Variants in NDUFV2 observed in about 807,000 individuals in gnomAD.
The protein encoded by NDUFV2 is NADH:ubiquinone oxidoreductase core subunit V2, also known as NADH dehydrogenase [ubiquinone] flavoprotein 2, mitochondrial.
Under a neutral mutation model 31.6 loss-of-function variants are expected in NDUFV2, and 18 were observed. The observed-to-expected ratio is 0.57, with a 90% CI of 0.39 to 0.84. The LOEUF (loss-of-function observed/expected upper bound fraction) is 0.84, where lower values mean the gene tolerates loss of function less well. NDUFV2 is among the 40% of genes least tolerant of loss of function. NDUFV2 has a pLI of 0.00. For synonymous variants in NDUFV2, 83 were observed against 99.8 expected (o/e 0.83, Z 1.01); for missense variants, 314 against 303.6 (o/e 1.03, Z -0.26).
chr18:9,112,168 G>A (rs949131268), intron 1 of NDUFV2, among the ~76,000 whole-genome samples: 4 of 151,834 alleles, frequency 2.6e-5, no homozygotes, highest in Non-Finnish European at 4.4e-5. Context: ...ACAGGTGTGC[G>A]CCACCACACG....
intron 1 of NDUFV2, among the ~76,000 whole-genome samples, chr18:9,110,991 C>T (rs951984176): frequency 6.6e-6 from 1 of 152,188 alleles, no homozygotes; most frequent in Admixed American, 6.5e-5. Flanking sequence ...GCATCTTTCT[C>T]TCTTAACAGG....
intron 4 of NDUFV2, 22 bp downstream of exon 4, chr18:9,119,612 T>C: frequency 1.3e-6 from 2 of 1,569,200 alleles, no homozygotes; most frequent in South Asian, 1.1e-5. Flanking sequence ...ATTTTTGCCT[T>C]AGTTCTAAAA....
chr18:9,107,644 T>C (rs2077848551), intron 1 of NDUFV2, among the ~76,000 whole-genome samples: 2 of 152,248 alleles, frequency 1.3e-5, no homozygotes, highest in Admixed American at 1.3e-4. Context: ...AGTCCTGTTT[T>C]GTTTTGTTTT....
At chr18:9,112,141 C>T (rs1368820463) in intron 1 of NDUFV2, among the ~76,000 whole-genome samples, 2 of 151,572 alleles carry the variant, frequency 1.3e-5, no homozygotes, top group Non-Finnish European at 2.9e-5. Context: ...GTCTCAGCCT[C>T]CCAAGTAGCT....
intron 1 of NDUFV2, among the ~76,000 whole-genome samples, chr18:9,114,778 T>C (rs1180244930): frequency 1.3e-5 from 2 of 152,338 alleles, no homozygotes; most frequent in South Asian, 2.1e-4. Context: ...CTTCAACGAT[T>C]TGGACTTCAA....
chr18:9,110,719 G>A (rs918536613), intron 1 of NDUFV2, among the ~76,000 whole-genome samples: 3 of 152,142 alleles, frequency 2.0e-5, no homozygotes, highest in Admixed American at 6.5e-5. Context: ...TGTTGCCCAC[G>A]CTGATATCAA....
chr18:9,108,331 T>A (rs1034048062), intron 1 of NDUFV2, among the ~76,000 whole-genome samples: 21 of 152,222 alleles, frequency 1.4e-4, no homozygotes, highest in Admixed American at 2.0e-4. Flanking sequence ...GTAAAAGTCC[T>A]CCTATTTCTA....
At chr18:9,109,302 GA>G (rs2077857966) in intron 1 of NDUFV2, among the ~76,000 whole-genome samples, 1 of 152,068 alleles carries the variant, frequency 6.6e-6, no homozygotes, top group Non-Finnish European at 1.5e-5. Context: ...TCTAATAAAG[GA>G]AAAAAGAAGG....
chr18:9,122,443 T>C, intron 4 of NDUFV2, 70 bp from the exon 5 acceptor site: 1 of 1,351,422 alleles, frequency 7.4e-7, no homozygotes, highest in African/African-American at 1.4e-5. Context: ...AATTATACTT[T>C]GTACAACATA....
intron 1 of NDUFV2, chr18:9,104,198 T>G: frequency 6.2e-7 from 1 of 1,611,790 alleles, no homozygotes; most frequent in Non-Finnish European, 8.5e-7. Context: ...GATCGGTATG[T>G]ATGAGAAGCC....
intron 5 of NDUFV2, among the ~76,000 whole-genome samples, chr18:9,123,758 T>C (rs1598348787): frequency 6.6e-6 from 1 of 152,326 alleles, no homozygotes; most frequent in Admixed American, 6.5e-5. Flanking sequence ...TCCCAAGTGC[T>C]GGGATCACAG....
rs142299605 is a variant in NDUFV2 at position 9,127,638 on chromosome 18, A to G, written c.656+731A>G. On this transcript the variant is annotated intron_variant, in intron 7 of 7. Transcript: ENST00000318388. Reference sequence around the variant, plus strand: ...AGGTGCCAGCCACCACGCCCGGCTAATTTTTTGTATTTTTAGTAGTGACGG... The same window carrying G: ...AGGTGCCAGCCACCACGCCCGGCTAGTTTTTTGTATTTTTAGTAGTGACGG... Among the ~76,000 whole-genome samples, 1,459 of 151,998 alleles carry G rather than the reference A, an allele frequency of 9.6e-3. 5 individuals carry two copies. The highest frequency in any genetic ancestry group is 0.014 in the Non-Finnish European group (931 of 67,954).
chr18:9,105,156 A>T (rs1308252583), intron 1 of NDUFV2, among the ~76,000 whole-genome samples: 4 of 152,226 alleles, frequency 2.6e-5, no homozygotes, highest in African/African-American at 9.6e-5. Flanking sequence ...TTTCACATTA[A>T]ACCTAGCAAG....
At chr18:9,114,191 ACTTT>A (rs1290812460) in intron 1 of NDUFV2, among the ~76,000 whole-genome samples, 3 of 152,202 alleles carry the variant, frequency 2.0e-5, no homozygotes, top group Admixed American at 1.3e-4. Context: ...CTCCTTCCCC[ACTTT>A]CTTTAACTAA....
chr18:9,115,196 G>A (rs556489675), intron 1 of NDUFV2, among the ~76,000 whole-genome samples: 94 of 152,228 alleles, frequency 6.2e-4, no homozygotes, highest in African/African-American at 2.1e-3. Flanking sequence ...TGTAAAATAA[G>A]AGTCCCTTAT....
chr18:9,134,208 C>G lies in NDUFV2; in HGVS notation c.679C>G (p.Pro227Ala). 1 of 1,613,362 alleles carries G rather than the reference C, an allele frequency of 6.2e-7. No homozygotes were observed. The change falls in exon 8 of 8, where the codon CCA becomes GCA. Residue 227 changes from proline (P) to alanine (A), a missense_variant. Physicochemically the swap from Pro to Ala is conservative, Grantham distance 27 (BLOSUM62 -1). Transcript: ENST00000318388. ...CAGGAGTGGACGCTTCTCTTGTGAG[C>G]CAGCTGGAGGTCTTACCTCTTTGAC... ...GPRSGRFSCE[P>A]AGGLTSLTEP...
intron 6 of NDUFV2, 107 bp downstream of exon 6, chr18:9,125,090 A>G: frequency 1.7e-6 from 2 of 1,210,120 alleles, no homozygotes; most frequent in Non-Finnish European, 2.3e-6. Flanking sequence ...TTACTCATTT[A>G]GAAGAAATGG....
At chr18:9,133,858 C>CT (rs1210413038) in intron 7 of NDUFV2, among the ~76,000 whole-genome samples, 1 of 152,184 alleles carries the variant, frequency 6.6e-6, no homozygotes, top group Non-Finnish European at 1.5e-5. Context: ...TTTGGTTTCT[C>CT]TAACTGTAAA....
intron 7 of NDUFV2, among the ~76,000 whole-genome samples, chr18:9,128,854 C>T (rs1469383108): frequency 1.3e-5 from 2 of 152,200 alleles, no homozygotes. Context: ...GTGAAATCCA[C>T]TTGGGTTCTT....
Sources: allele counts gnomAD v4.1 joint callset (sites outside exome capture counted in the v4.1 genomes callset), GRCh38; gene constraint gnomAD v4.1.1; transcripts MANE v1.5; gene names NCBI Gene and HGNC (gene_info 2026-07-23, HGNC 2026-07-21).